NOP56: variants seen among roughly 807,000 people sequenced by gnomAD.
NOP56 encodes the protein NOP56 ribonucleoprotein, also known as nucleolar protein 56.
In NOP56, 31 loss-of-function variants were observed where a neutral mutation model predicts 58.3. That is an observed-to-expected ratio of 0.53 (90% CI 0.40 to 0.72). The LOEUF is 0.72. Ranked by LOEUF, NOP56 falls within the 30% of genes least tolerant of loss-of-function variation. The pLI is 0.00. For synonymous variants in NOP56, 313 were observed against 282.8 expected (o/e 1.11, Z -1.07); for missense variants, 669 against 739.9 (o/e 0.90, Z 1.11).
In NOP56 at chr20:2,654,479, C is replaced by A. The variant is rs766330217; in HGVS notation, c.274C>A (p.Leu92Ile). The A allele has an allele frequency of 9.3e-6, 15 of 1,614,180 alleles. No homozygotes were observed. Among genetic ancestry groups the A allele is most frequent in the Non-Finnish European group, 1.3e-5 (15 of 1,180,030 alleles). The change falls in exon 4 of 12, where the codon CTC becomes ATC. Residue 92 changes from leucine to isoleucine, a missense_variant. Leu to Ile is a conservative substitution (Grantham distance 5). Coordinates refer to ENST00000329276, the MANE Select transcript of NOP56 (RefSeq NM_006392.4). ...THLPSKKKKV[L>I]LGVGDPKIGA... ...CCTGCCGTCCAAAAAGAAGAAAGTA[C>A]TCTTGGGAGTTGGGGATCCCAAGAT...
chr20:2,655,433 CAAGCTGGAG>C lies in NOP56; in HGVS notation c.688_696del (p.Lys230_Glu232del), dbSNP rs1568541849. On this transcript the variant is annotated inframe_deletion, in exon 6 of 12. Coordinates refer to ENST00000329276, the MANE Select transcript of NOP56 (RefSeq NM_006392.4). ...GAAACCGAAGGGAACTGAATGAGGA[CAAGCTGGAG>C]AAGCTGGAGGAGCTGACAATGGATG... 14 of 1,614,030 alleles carry C rather than the reference CAAGCTGGAG, an allele frequency of 8.7e-6. No homozygotes were observed. Among genetic ancestry groups the C allele is most frequent in the Admixed American group, 1.7e-5 (1 of 59,988 alleles).
chr20:2,652,730 A>ACAGGGC, intron 1 of NOP56, 67 bp downstream of exon 1: 1 of 1,324,282 alleles, frequency 7.6e-7, no homozygotes, highest in Non-Finnish European at 9.7e-7. Flanking sequence ...CGGGCCGCAG[A>ACAGGGC]CAGGGCCTGG....
intron 3 of NOP56, chr20:2,653,953 G>T: frequency 3.0e-6 from 1 of 337,634 alleles, no homozygotes; most frequent in Non-Finnish European, 5.9e-6. Context: ...GTGCCCGGCC[G>T]ACAAAGGGGG....
Position 2,656,417 on chromosome 20 carries a change from G to A in NOP56, c.1027G>A (p.Gly343Ser). 6.2e-7 allele frequency: 1 copy of A among 1,614,058 alleles called. No individual in the cohort carries two copies. Among genetic ancestry groups the A allele is most frequent in the Non-Finnish European group, 8.5e-7 (1 of 1,180,010 alleles). Residue 343 changes from glycine (G) to serine (S), a missense_variant, in exon 9 of 12, where the codon GGT (glycine) becomes AGT (serine). By Grantham distance (56) the Gly-to-Ser change is moderately conservative (BLOSUM62 0). Transcript: ENST00000329276. ...TTCTCTCAGAGCCCTGAAGACAAGG[G>A]GTAACACTCCAAAATATGGACTCAT... ...KALFRALKTRGNTPKYGLIFH... is the reference protein window; with the variant it reads ...KALFRALKTRSNTPKYGLIFH...
intron 11 of NOP56, 179 bp downstream of exon 11, chr20:2,657,397 T>G (rs767892600): frequency 7.5e-6 from 7 of 934,042 alleles, no homozygotes; most frequent in African/African-American, 1.6e-5. Flanking sequence ...CTGAACTTGC[T>G]CAAGAGCCCA....
chr20:2,654,206 C>T (rs1306504628), intron 3 of NOP56: 1 of 754,152 alleles, frequency 1.3e-6, no homozygotes, highest in Non-Finnish European at 2.4e-6. Flanking sequence ...ATGGCTGGGC[C>T]AGGCTTTGCA....
In NOP56 at chr20:2,657,827, T is replaced by G. The variant is rs1600162407; in HGVS notation, c.1420-102T>G. 2.3e-6 allele frequency: 3 copies of G among 1,303,642 alleles called. No individual in the cohort carries two copies. In the East Asian group the frequency reaches 7.0e-5, roughly 30 times the overall value. 80.8% of individuals were successfully genotyped at this position (1,303,642 alleles called of 1,614,324 possible). On this transcript the variant is annotated intron_variant, in intron 11 of 11. Coordinates refer to ENST00000329276, the MANE Select transcript of NOP56 (RefSeq NM_006392.4). ...CACAATTAAACTATCCCAGAAACAC[T>G]GGGCAATGTTAACGACACGCGTTCC...
intron 3 of NOP56, chr20:2,653,835 G>T: frequency 3.8e-6 from 1 of 259,898 alleles, no homozygotes; most frequent in African/African-American, 2.2e-5. Context: ...TTGTATTTTT[G>T]GTAGAGACGG....
chr20:2,657,531 G>T, intron 11 of NOP56: 1 of 561,296 alleles, frequency 1.8e-6, no homozygotes. Context: ...ACGTGTGTCC[G>T]GAGGTGGTCG....
At chr20:2,653,188 T>G (rs2086773049) in intron 2 of NOP56, 91 bp from the exon 3 acceptor site, 2 of 1,079,998 alleles carry the variant, frequency 1.9e-6, no homozygotes, top group Non-Finnish European at 2.8e-6. Context: ...CAGCATATTT[T>G]AAGAGCTTCC....
At chr20:2,655,793 T>C (rs777540714) in intron 7 of NOP56, 47 bp downstream of exon 7, 5 of 1,613,850 alleles carry the variant, frequency 3.1e-6, no homozygotes, top group South Asian at 2.2e-5. Flanking sequence ...ACTGTTGCCA[T>C]GTGCACCTGC....
chr20:2,653,678 G>T (rs775605999), intron 3 of NOP56: 52 of 315,094 alleles, frequency 1.7e-4, no homozygotes, highest in Non-Finnish European at 2.6e-4. Flanking sequence ...TTTTTTTTGA[G>T]ATGGAGTCTG....
intron 2 of NOP56, 93 bp downstream of exon 2, chr20:2,653,024 G>T (rs562264361): frequency 2.6e-6 from 3 of 1,169,240 alleles, no homozygotes; most frequent in Admixed American, 2.5e-5. Context: ...GGCCGGCCGA[G>T]CGGTTCGGGG....
intron 11 of NOP56, 24 bp downstream of exon 11, chr20:2,657,242 C>T: frequency 1.2e-6 from 2 of 1,613,830 alleles, no homozygotes; most frequent in East Asian, 2.2e-5. Flanking sequence ...ACGGCCCTGG[C>T]AGAGATCCTA....
chr20:2,657,497 A>C, intron 11 of NOP56: 1 of 649,600 alleles, frequency 1.5e-6, no homozygotes. Flanking sequence ...GGGTAGTGTA[A>C]ATTCCTGCTC....
At chr20:2,653,045 G>GGC in intron 2 of NOP56, 114 bp downstream of exon 2, 5 of 979,728 alleles carry the variant, frequency 5.1e-6, no homozygotes, top group Non-Finnish European at 7.5e-6. Context: ...CGGGGGGACG[G>GGC]GCCTGGAAAG....
At chr20:2,654,977 G>T in intron 5 of NOP56, 30 bp downstream of exon 5, 1 of 1,611,598 alleles carries the variant, frequency 6.2e-7, no homozygotes, top group South Asian at 1.1e-5. Context: ...CATAATACTG[G>T]AGCCTTTGGT....
At chr20:2,653,590 CT>C (rs2086779056) in intron 3 of NOP56, 197 bp downstream of exon 3, 1 of 570,938 alleles carries the variant, frequency 1.8e-6, no homozygotes, top group Admixed American at 3.1e-5. Context: ...CTAGACCAAA[CT>C]GTTTAAGCAG....
chr20:2,653,057 T>C (rs2086771097), intron 2 of NOP56, 126 bp downstream of exon 2: 2 of 905,980 alleles, frequency 2.2e-6, no homozygotes, highest in Non-Finnish European at 3.3e-6. Flanking sequence ...CCTGGAAAGC[T>C]CTAGATCCGG....
Sources: allele counts gnomAD v4.1 joint callset, GRCh38; gene constraint gnomAD v4.1.1; transcripts MANE v1.5; gene names NCBI Gene and HGNC (gene_info 2026-07-23, HGNC 2026-07-21).